Variants in TTC28 observed in about 807,000 individuals in gnomAD.
The protein encoded by TTC28 is tetratricopeptide repeat domain 28.
In TTC28, 61 loss-of-function variants were observed where a neutral mutation model predicts 198.0. The ratio of observed to expected loss-of-function variants is 0.31; its 90% CI spans 0.25 to 0.38. TTC28 has a LOEUF of 0.38. TTC28 is among the 10% of genes least tolerant of loss of function. The probability of loss-of-function intolerance (pLI) is 1.00; values close to 1 mark genes in which losing one functional copy is unlikely to be tolerated. For missense variants in TTC28, 2,678 were observed against 3,164.0 expected, an observed-to-expected ratio of 0.85 and a Z score of 3.69; for synonymous variants, 1,171 against 1,297.8, an observed-to-expected ratio of 0.90 and a Z score of 2.10.
chr22:28,454,441 G>A (rs1382074725), intron 2 of TTC28, among the ~76,000 whole-genome samples: 2 of 152,090 alleles, frequency 1.3e-5, no homozygotes, highest in East Asian at 3.8e-4. Flanking sequence ...CACTTGTCAA[G>A]GGATGCCTGT....
At chr22:28,657,122 T>C (rs932652194) in intron 1 of TTC28, among the ~76,000 whole-genome samples, 45 of 152,080 alleles carry the variant, frequency 3.0e-4, no homozygotes, top group African/African-American at 1.1e-3. Context: ...CGTGGGACAA[T>C]AAGGTGCAGA....
intron 12 of TTC28, among the ~76,000 whole-genome samples, chr22:28,079,875 T>G (rs1941285160): frequency 6.6e-6 from 1 of 152,230 alleles, no homozygotes; most frequent in Non-Finnish European, 1.5e-5. Context: ...ACTATAGGCA[T>G]ACGACCACAT....
At chr22:28,330,075 AAAAAC>A (rs2045591833) in intron 2 of TTC28, among the ~76,000 whole-genome samples, 1 of 152,222 alleles carries the variant, frequency 6.6e-6, no homozygotes, top group Non-Finnish European at 1.5e-5. Context: ...CAGCAATTCC[AAAAAC>A]AAAACAGCAG....
Position 28,101,165 on chromosome 22 carries a change from G to A in TTC28, c.3417+6C>T, listed in dbSNP as rs1263142714. On this transcript the variant is annotated splice_donor_region_variant and intron_variant, in intron 9 of 22. Transcript: ENST00000397906. ...AAAATCCACTTCAGTCAGGGGTTCT[G>A]CTTACCTGGTGTTGGGCCTCCTCCA... is the stretch of plus-strand genomic sequence containing the variant. The A allele has an allele frequency of 6.5e-7, 1 of 1,547,196 alleles. No individual in the cohort carries two copies. Among genetic ancestry groups the A allele is most frequent in the Non-Finnish European group, 8.7e-7 (1 of 1,144,080 alleles).
At chr22:27,987,730 T>C (rs1231098204) in intron 21 of TTC28, among the ~76,000 whole-genome samples, 2 of 151,308 alleles carry the variant, frequency 1.3e-5, no homozygotes, top group Non-Finnish European at 2.9e-5. Flanking sequence ...AGGTTGTGGT[T>C]GTGGCTTCCT....
At chr22:28,571,538 A>T (rs1166210625) in intron 2 of TTC28, among the ~76,000 whole-genome samples, 1 of 152,226 alleles carries the variant, frequency 6.6e-6, no homozygotes, top group East Asian at 1.9e-4. Context: ...GTGATAACCA[A>T]GTGCTGACAA....
chr22:28,362,613 G>A lies in TTC28; in HGVS notation c.382-55970C>T, dbSNP rs1175120676. ...AAGACAGGAAAATGTGGAAAAGTTT[G>A]GAACACCCTAGAGACTTGTTGAATA... On this transcript the variant is annotated intron_variant, in intron 2 of 22. Coordinates refer to ENST00000397906, the MANE Select transcript of TTC28 (RefSeq NM_001145418.2). Among the ~76,000 whole-genome samples, 10 of 152,152 alleles carry A rather than the reference G, an allele frequency of 6.6e-5. No homozygotes were observed. In the East Asian group the frequency reaches 1.9e-3, roughly 29 times the overall value.
At chr22:28,263,088 A>T (rs1241424072) in intron 5 of TTC28, among the ~76,000 whole-genome samples, 1 of 152,176 alleles carries the variant, frequency 6.6e-6, no homozygotes. Flanking sequence ...GAAAGCCCTA[A>T]AATTGGCTTT....
chr22:28,519,245 C>T (rs904881261), intron 2 of TTC28, among the ~76,000 whole-genome samples: 2 of 152,184 alleles, frequency 1.3e-5, no homozygotes, highest in African/African-American at 2.4e-5. Flanking sequence ...AAGAACATAC[C>T]TCTTCTATCT....
chr22:28,608,548 C>T (rs2146141097), intron 2 of TTC28, among the ~76,000 whole-genome samples: 1 of 152,148 alleles, frequency 6.6e-6, no homozygotes, highest in Non-Finnish European at 1.5e-5. Context: ...ATGAGATGTC[C>T]CTAGGGAGCT....
At chr22:28,264,629 ACACGCATG>A (rs1931555498) in intron 5 of TTC28, among the ~76,000 whole-genome samples, 3 of 152,208 alleles carry the variant, frequency 2.0e-5, no homozygotes, top group African/African-American at 7.2e-5. Context: ...GTACACGCAC[ACACGCATG>A]CACGTGTGGG....
At chr22:28,252,609 T>C (rs1456261419) in intron 5 of TTC28, among the ~76,000 whole-genome samples, 1 of 152,158 alleles carries the variant, frequency 6.6e-6, no homozygotes, top group East Asian at 1.9e-4. Context: ...TCATCTCCAT[T>C]AGTACTACCA....
intron 2 of TTC28, among the ~76,000 whole-genome samples, chr22:28,488,498 A>C (rs978292728): frequency 1.3e-5 from 2 of 151,526 alleles, no homozygotes; most frequent in Non-Finnish European, 2.9e-5. Flanking sequence ...ATATGAATGT[A>C]ACACTTCACA....
chr22:28,368,193 A>C (rs1258880017), intron 2 of TTC28, among the ~76,000 whole-genome samples: 4 of 152,110 alleles, frequency 2.6e-5, no homozygotes, highest in Non-Finnish European at 5.9e-5. Context: ...AAGACATTAC[A>C]TATTGGATTC....
intron 6 of TTC28, among the ~76,000 whole-genome samples, chr22:28,129,293 T>G (rs1601355053): frequency 6.6e-6 from 1 of 152,166 alleles, no homozygotes; most frequent in East Asian, 1.9e-4. Context: ...CTGAGAAAGA[T>G]TTTTAAAATC....
rs556039365 is a variant in TTC28 at position 28,165,047 on chromosome 22, C to T, written c.934-1448G>A. ...GTGATGAATGCACAAGCCTCAGTAG[C>T]TGATGCGATCAACTGGAAGAAAGGG... is the stretch of plus-strand genomic sequence containing the variant. On this transcript the variant is annotated intron_variant, in intron 5 of 22. Coordinates refer to ENST00000397906, the MANE Select transcript of TTC28 (RefSeq NM_001145418.2). Among the ~76,000 whole-genome samples, 33 of 152,266 alleles carry T rather than the reference C, an allele frequency of 2.2e-4. 1 individual carries two copies. In the East Asian group the frequency reaches 2.3e-3, roughly 11 times the overall value.
At chr22:28,387,493 T>A (rs1176281385) in intron 2 of TTC28, among the ~76,000 whole-genome samples, 1 of 152,220 alleles carries the variant, frequency 6.6e-6, no homozygotes, top group East Asian at 1.9e-4. Flanking sequence ...CTCCACATCC[T>A]CTCCAGCACC....
intron 12 of TTC28, among the ~76,000 whole-genome samples, chr22:28,072,944 A>G (rs910178088): frequency 2.6e-5 from 4 of 152,120 alleles, no homozygotes; most frequent in African/African-American, 9.7e-5. Context: ...CCTCTTAGAA[A>G]ATGCCTTAAG....
intron 2 of TTC28, among the ~76,000 whole-genome samples, chr22:28,366,364 C>T (rs1201031634): frequency 6.6e-6 from 1 of 152,096 alleles, no homozygotes; most frequent in Non-Finnish European, 1.5e-5. Flanking sequence ...TCTCAATCAC[C>T]CATTCTTTTA....
Sources: gnomAD v4.1 joint callset for allele counts (sites outside exome capture counted in the v4.1 genomes callset) on GRCh38, gnomAD v4.1.1 for gene constraint, MANE v1.5 for transcripts, NCBI Gene and HGNC (gene_info 2026-07-23, HGNC 2026-07-21) for gene names.